Variants in ARAP2 observed in about 807,000 individuals in gnomAD.
The protein encoded by ARAP2 is arf-GAP with Rho-GAP domain, ANK repeat and PH domain-containing protein 2.
Under a neutral mutation model 194.5 loss-of-function variants are expected in ARAP2, and 148 were observed. The observed-to-expected ratio is 0.76, with a 90% CI of 0.67 to 0.87. The LOEUF (loss-of-function observed/expected upper bound fraction) is 0.87, where lower values mean the gene tolerates loss of function less well. Among genes scored for constraint, ARAP2 ranks in the 40% least tolerant of loss-of-function variants. The probability of loss-of-function intolerance (pLI) is 0.00; values close to 1 mark genes in which losing one functional copy is unlikely to be tolerated. For synonymous variants in ARAP2, 695 were observed against 683.5 expected, an observed-to-expected ratio of 1.02 and a Z score of -0.26; for missense variants, 2,128 against 1,989.7, an observed-to-expected ratio of 1.07 and a Z score of -1.32.
At chr4:36,061,796 C>T (rs1724488768), downstream of ARAP2, among the ~76,000 whole-genome samples, 1 of 152,098 alleles carries the variant, frequency 6.6e-6, no homozygotes, top group African/African-American at 2.4e-5. Context: ...CTTTTCGCCA[C>T]AATCTCACCA....
chr4:36,222,506 AAGTG>A lies in ARAP2; in HGVS notation c.905+6072_905+6075del, dbSNP rs377217383. Reference sequence around the variant, plus strand: ...AATGTGGAAAAATCACAAAAATAGTAAGTGAAACACCAAACTACAAAAGAATATC... The same window carrying A: ...AATGTGGAAAAATCACAAAAATAGTAAAACACCAAACTACAAAAGAATATC... On this transcript the variant is annotated intron_variant, in intron 2 of 32. Transcript: ENST00000303965. 3.3e-3 allele frequency among the ~76,000 whole-genome samples: 501 copies of A among 152,078 alleles called. 5 individuals are homozygous for A. The highest frequency in any genetic ancestry group is 5.5e-3 in the Non-Finnish European group (376 of 67,942).
At chr4:36,103,503 A>C (rs1010470263) in intron 27 of ARAP2, among the ~76,000 whole-genome samples, 28 of 151,606 alleles carry the variant, frequency 1.8e-4, no homozygotes, top group African/African-American at 6.8e-4. Flanking sequence ...AAGCTATGAC[A>C]CTGTCTAAAT....
intron 31 of ARAP2, among the ~76,000 whole-genome samples, chr4:36,075,009 T>C (rs559035515): frequency 1.3e-5 from 2 of 152,230 alleles, no homozygotes; most frequent in East Asian, 3.9e-4. Flanking sequence ...CGCAAATCTA[T>C]AATGGTAGGT....
At chr4:36,103,678 A>T (rs1228649560) in intron 27 of ARAP2, among the ~76,000 whole-genome samples, 2 of 151,798 alleles carry the variant, frequency 1.3e-5, no homozygotes, top group African/African-American at 4.8e-5. Context: ...TGCCTTTGAA[A>T]AACACAAATA....
chr4:36,149,738 A>G (rs1472627337), intron 16 of ARAP2, among the ~76,000 whole-genome samples: 1 of 152,188 alleles, frequency 6.6e-6, no homozygotes, highest in Non-Finnish European at 1.5e-5. Context: ...GCACTATTAA[A>G]ACAAAAACAA....
intron 8 of ARAP2, among the ~76,000 whole-genome samples, chr4:36,014,305 G>GA (rs879307458): frequency 0.031 from 2,842 of 91,398 alleles, 60 homozygotes; most frequent in African/African-American, 0.036. Flanking sequence ...AAGAAGAGAA[G>GA]GAAGGAAAGA....
intron 20 of ARAP2, among the ~76,000 whole-genome samples, chr4:36,129,122 C>T (rs898824860): frequency 6.6e-6 from 1 of 151,942 alleles, no homozygotes; most frequent in African/African-American, 2.4e-5. Context: ...TGTCATCAAC[C>T]ACCTGCCCCT....
At chr4:36,182,998 C>A (rs112305487) in intron 8 of ARAP2, among the ~76,000 whole-genome samples, 9 of 152,088 alleles carry the variant, frequency 5.9e-5, no homozygotes, top group African/African-American at 2.2e-4. Context: ...ACCAAGAGAT[C>A]GCCTTTAAAA....
intron 1 of ARAP2, among the ~76,000 whole-genome samples, chr4:36,242,760 G>A (rs1753760818): frequency 6.6e-6 from 1 of 152,090 alleles, no homozygotes; most frequent in Non-Finnish European, 1.5e-5. Context: ...AATCTGACAG[G>A]TTTACAGACG....
At chr4:36,008,975 T>C (rs1188743063) in intron 9 of ARAP2, among the ~76,000 whole-genome samples, 1 of 151,998 alleles carries the variant, frequency 6.6e-6, no homozygotes, top group Non-Finnish European at 1.5e-5. Context: ...ATCAGAGAAA[T>C]ACAAATCAAT....
chr4:36,090,844 C>G (rs1283148258), intron 28 of ARAP2, among the ~76,000 whole-genome samples: 1 of 152,028 alleles, frequency 6.6e-6, no homozygotes, highest in Non-Finnish European at 1.5e-5. Flanking sequence ...TAAAACCAAT[C>G]CCCATGACTC....
chr4:36,049,503 T>G (rs1194137504), intron 3 of ARAP2, among the ~76,000 whole-genome samples: 1 of 152,292 alleles, frequency 6.6e-6, no homozygotes, highest in African/African-American at 2.4e-5. Context: ...TTGATTTTCT[T>G]GAGGAATGAC....
At chr4:36,041,245 C>CTA (rs1720821344) in intron 5 of ARAP2, among the ~76,000 whole-genome samples, 1 of 151,968 alleles carries the variant, frequency 6.6e-6, no homozygotes, top group Non-Finnish European at 1.5e-5. Flanking sequence ...GACAACCTAC[C>CTA]TACAGAATGG....
At chr4:36,061,021 T>C (rs376854046), downstream of ARAP2, among the ~76,000 whole-genome samples, 31 of 152,286 alleles carry the variant, frequency 2.0e-4, 1 homozygote, top group South Asian at 6.2e-3. Context: ...GCATAACATA[T>C]GTTTTAAAGG....
Position 36,067,785 on chromosome 4 carries a change from G to C in ARAP2, c.*122C>G. ...AATGCTCCTTAAATGCCTAAGCATA[G>C]ACAAATTTGCCTATCAATAGGCAAA... On this transcript the variant is annotated 3_prime_UTR_variant, in exon 33 of 33. Transcript: ENST00000303965. The C allele has an allele frequency of 9.3e-7, 1 of 1,079,652 alleles. No individual in the cohort carries two copies. Among genetic ancestry groups the C allele is most frequent in the South Asian group, 1.8e-5 (1 of 56,800 alleles). 66.9% of individuals were successfully genotyped at this position (1,079,652 alleles called of 1,614,324 possible).
At chr4:36,044,828 A>G (rs1232698211) in intron 5 of ARAP2, among the ~76,000 whole-genome samples, 2 of 152,182 alleles carry the variant, frequency 1.3e-5, no homozygotes, top group East Asian at 3.8e-4. Flanking sequence ...AAAATATTTA[A>G]CAAACTCAAA....
At chr4:36,032,843 T>C (rs903042927) in intron 5 of ARAP2, among the ~76,000 whole-genome samples, 2 of 152,136 alleles carry the variant, frequency 1.3e-5, no homozygotes, top group African/African-American at 4.8e-5. Flanking sequence ...CACACTCAAG[T>C]AGGCGCCAGT....
At chr4:36,136,465 T>A (rs530340521) in intron 19 of ARAP2, among the ~76,000 whole-genome samples, 3 of 151,840 alleles carry the variant, frequency 2.0e-5, no homozygotes, top group African/African-American at 7.2e-5. Context: ...ATATTAAAAC[T>A]GCAATATAAT....
At chr4:36,038,128 C>T (rs554712552) in intron 5 of ARAP2, among the ~76,000 whole-genome samples, 1 of 152,306 alleles carries the variant, frequency 6.6e-6, no homozygotes, top group South Asian at 2.1e-4. Context: ...ATACCTTAGA[C>T]AACCACTAAT....
Sources: gnomAD v4.1 joint callset for allele counts (sites outside exome capture counted in the v4.1 genomes callset) on GRCh38, gnomAD v4.1.1 for gene constraint, MANE v1.5 for transcripts, NCBI Gene and HGNC (gene_info 2026-07-23, HGNC 2026-07-21) for gene names.